Variants in PLEKHG3 observed in about 807,000 individuals in gnomAD.
The protein encoded by PLEKHG3 is pleckstrin homology domain-containing family G member 3.
Under a neutral mutation model 94.9 loss-of-function variants are expected in PLEKHG3, and 62 were observed. The ratio of observed to expected loss-of-function variants is 0.65; its 90% CI spans 0.53 to 0.81. The LOEUF (loss-of-function observed/expected upper bound fraction) is 0.81. Ranked by LOEUF, PLEKHG3 falls within the 30% of genes least tolerant of loss-of-function variation. The pLI is 0.00. For synonymous variants in PLEKHG3, 614 were observed against 654.0 expected, an observed-to-expected ratio of 0.94 and a Z score of 0.93; for missense variants, 1,461 against 1,619.3, an observed-to-expected ratio of 0.90 and a Z score of 1.68.
rs1361171119 is a variant in PLEKHG3, at chr14:64,732,627, C to CA, written c.1246+167_1246+168insA. On this transcript the variant is annotated intron_variant, in intron 11 of 16. Coordinates refer to ENST00000247226, the MANE Select transcript of PLEKHG3 (RefSeq NM_001308147.2). This position sits in a 1 kb window ranked among gnomAD's most constrained non-coding sequence, Gnocchi z 4.9. ...CTACATGATTAAGGATGCTCTCCTG[C>CA]TGAGCGGTGGGACTCTCAGTGCCTG... Among the ~76,000 whole-genome samples, 808 of 152,270 alleles carry CA rather than the reference C, an allele frequency of 5.3e-3. 9 individuals carry two copies. The highest frequency in any genetic ancestry group is 0.019 in the African/African-American group (772 of 41,530).
Position 64,743,628 on chromosome 14 carries a change from C to T in PLEKHG3, c.3585C>T (p.Asp1195=). Residue 1195 remains aspartate, a synonymous_variant, in exon 17 of 17, where the codon GAC becomes GAT. Transcript: ENST00000247226. This position sits in a 1 kb window ranked among gnomAD's most constrained non-coding sequence, Gnocchi z 7.2. The part of the protein sequence containing the change: ...ECQPKEEGSR[D]PADPSQQGRV... ...AGCCGAAGGAAGAGGGTTCCAGGGACCCGGCAGACCCGAGCCAGCAGGGCA... is the reference window on the plus strand; with the variant it reads ...AGCCGAAGGAAGAGGGTTCCAGGGATCCGGCAGACCCGAGCCAGCAGGGCA... The T allele has an allele frequency of 3.1e-6, 5 of 1,611,966 alleles. No homozygotes were observed. The highest frequency in any genetic ancestry group is 4.2e-6 in the Non-Finnish European group (5 of 1,179,652).
In PLEKHG3 at chr14:64,749,509, C is replaced by T; in HGVS notation, c.*5806C>T. 1 of 1,596,848 alleles carries T rather than the reference C, an allele frequency of 6.3e-7. No homozygotes were observed. The highest frequency in any genetic ancestry group is 8.5e-7 in the Non-Finnish European group (1 of 1,177,152). On this transcript the variant is annotated 3_prime_UTR_variant, in exon 17 of 17. Coordinates refer to ENST00000247226, the MANE Select transcript of PLEKHG3 (RefSeq NM_001308147.2). This position sits in a 1 kb window ranked among gnomAD's most constrained non-coding sequence, Gnocchi z 4.7. ...GAGGGTCACGGTGGAGTCTGGAGGC[C>T]CACAGCCCCCCACCTCCCGGGCCAG...
Position 64,718,863 on chromosome 14 carries a change from T to C in PLEKHG3, c.-39-8730T>C, listed in dbSNP as rs938366803. Reference sequence around the variant, plus strand: ...ACGGACCAGTGTCAAGGATGGTTTTTGTTAATCACTTGTGCTTTTGCTCTC... The same window carrying C: ...ACGGACCAGTGTCAAGGATGGTTTTCGTTAATCACTTGTGCTTTTGCTCTC... On this transcript the variant is annotated intron_variant, in intron 1 of 16. Coordinates refer to ENST00000247226, the MANE Select transcript of PLEKHG3 (RefSeq NM_001308147.2). This position sits in a 1 kb window ranked among gnomAD's most constrained non-coding sequence, Gnocchi z 5.0. 2.6e-5 allele frequency among the ~76,000 whole-genome samples: 4 copies of C among 152,192 alleles called. No individual in the cohort carries two copies. The highest frequency in any genetic ancestry group is 7.2e-5 in the African/African-American group (3 of 41,440).
At chr14:64,709,172 A>G (rs997037262) in intron 1 of PLEKHG3, among the ~76,000 whole-genome samples, 1 of 152,346 alleles carries the variant, frequency 6.6e-6, no homozygotes. Context: ...CCCAGACAGC[A>G]TTGAGAATGG....
In PLEKHG3 at chr14:64,721,632, C is replaced by G. The variant is rs766277960; in HGVS notation, c.-39-5961C>G. Among the ~76,000 whole-genome samples the G allele has an allele frequency of 6.6e-6, 1 of 151,996 alleles. No homozygotes were observed. Among genetic ancestry groups the G allele is most frequent in the Non-Finnish European group, 1.5e-5 (1 of 68,028 alleles). On this transcript the variant is annotated intron_variant, in intron 1 of 16. Coordinates refer to ENST00000247226, the MANE Select transcript of PLEKHG3 (RefSeq NM_001308147.2). This position sits in a 1 kb window ranked among gnomAD's most constrained non-coding sequence, Gnocchi z 4.3. ...ACAGCCTCTGCAGGCAGTCACGTTG[C>G]TCACATGCACACAAAGTCACTCCCC...
chr14:64,706,256 C>G (rs1443792553), intron 1 of PLEKHG3, among the ~76,000 whole-genome samples: 1 of 152,056 alleles, frequency 6.6e-6, no homozygotes, highest in African/African-American at 2.4e-5. Context: ...GGCTGGGGGG[C>G]CCCTTGGATT....
In PLEKHG3 at chr14:64,730,575, C is replaced by A; in HGVS notation, c.520-67C>A. On this transcript the variant is annotated intron_variant, in intron 4 of 16. Coordinates refer to ENST00000247226, the MANE Select transcript of PLEKHG3 (RefSeq NM_001308147.2). This position sits in a 1 kb window ranked among gnomAD's most constrained non-coding sequence, Gnocchi z 5.4. ...GGTGCTCTGGGGGCCAGGGGCCTATCTGCTACCACCATCTTTACTGTCAAA... is the reference window on the plus strand; with the variant it reads ...GGTGCTCTGGGGGCCAGGGGCCTATATGCTACCACCATCTTTACTGTCAAA... 7.3e-7 allele frequency: 1 copy of A among 1,366,438 alleles called. No individual in the cohort carries two copies. Among genetic ancestry groups the A allele is most frequent in the Non-Finnish European group, 1.0e-6 (1 of 957,226 alleles). The allele number at this position is 1,366,438 out of a possible 1,614,324, so 84.6% of individuals were successfully genotyped here.
At chr14:64,712,567 C>T (rs538020653) in intron 1 of PLEKHG3, among the ~76,000 whole-genome samples, 53 of 152,200 alleles carry the variant, frequency 3.5e-4, no homozygotes, top group Non-Finnish European at 6.8e-4. Flanking sequence ...GTATTTTATT[C>T]TTTTTGCTGC....
At chr14:64,735,324 C>G (rs1007380727) in intron 12 of PLEKHG3, among the ~76,000 whole-genome samples, 1 of 152,148 alleles carries the variant, frequency 6.6e-6, no homozygotes, top group Admixed American at 6.5e-5. Context: ...AGAAAGCGAT[C>G]GTTCAGGCCA....
chr14:64,731,875 G>A lies in PLEKHG3; in HGVS notation c.1125+69G>A. 8.9e-7 allele frequency: 1 copy of A among 1,129,556 alleles called. No individual in the cohort carries two copies. Among genetic ancestry groups the A allele is most frequent in the East Asian group, 2.4e-5 (1 of 41,770 alleles). The allele number at this position is 1,129,556 out of a possible 1,614,324, so 70.0% of individuals were successfully genotyped here. A position where few individuals can be genotyped will look rare whatever the true frequency, so the allele number is the denominator to read the frequency against. ...AGGGGACACCTGCGTGGGACTCCTG[G>A]CTCCTCTGCTCACCTAGCTGCCCCA... On this transcript the variant is annotated intron_variant, in intron 9 of 16. Transcript: ENST00000247226. The surrounding 1 kb of genome is among the most constrained non-coding windows in gnomAD (Gnocchi z 6.1).
In PLEKHG3 at chr14:64,749,430, T is replaced by G. The variant is rs765605676; in HGVS notation, c.*5727T>G. 10 of 1,604,650 alleles carry G rather than the reference T, an allele frequency of 6.2e-6. No individual in the cohort carries two copies. Among genetic ancestry groups the G allele is most frequent in the Non-Finnish European group, 8.5e-6 (10 of 1,179,182 alleles). On this transcript the variant is annotated 3_prime_UTR_variant, in exon 17 of 17. Transcript: ENST00000247226. This position sits in a 1 kb window ranked among gnomAD's most constrained non-coding sequence, Gnocchi z 4.7. ...CTTGACGCGGATGCTCTGGGACTCG[T>G]TGATGGCGGTGCTCACGCCCTGCAG...
intron 1 of PLEKHG3, among the ~76,000 whole-genome samples, chr14:64,724,398 AAGAG>A (rs978610025): frequency 1.4e-5 from 2 of 147,510 alleles, no homozygotes; most frequent in Non-Finnish European, 2.9e-5. Context: ...CCTCCTGCCC[AAGAG>A]AGAGAGAGCC....
Position 64,738,229 on chromosome 14 carries a change from GGT to G in PLEKHG3, c.1405-510_1405-509del. On this transcript the variant is annotated intron_variant, in intron 14 of 16. Transcript: ENST00000247226. This position sits in a 1 kb window ranked among gnomAD's most constrained non-coding sequence, Gnocchi z 4.8. ...CTTTTCTCCCGGGGCGCTATGGTGA[GGT>G]GTCTCTTCGATCTCCCCTCCTCCTT... 1 of 1,287,208 alleles carries G rather than the reference GGT, an allele frequency of 7.8e-7. No homozygotes were observed. The highest frequency in any genetic ancestry group is 1.0e-6 in the Non-Finnish European group (1 of 988,012). The allele number at this position is 1,287,208 out of a possible 1,614,324, so 79.7% of individuals were successfully genotyped here. A position where few individuals can be genotyped will look rare whatever the true frequency, so the allele number is the denominator to read the frequency against.
chr14:64,731,802 T>C lies in PLEKHG3; in HGVS notation c.1121T>C (p.Ile374Thr). Reference sequence around the variant, plus strand: ...AAGCACAGCAAGCAGCAGTACAGCATCCAGGTGAGGGGAAGGTGGGGCTCA... The same window carrying C: ...AAGCACAGCAAGCAGCAGTACAGCACCCAGGTGAGGGGAAGGTGGGGCTCA... ...HYKHSKQQYS[I>T]QAKTVEEKRN... The change falls in exon 9 of 17, where the codon ATC (isoleucine) becomes ACC (threonine). Residue 374 changes from isoleucine to threonine, a missense_variant. Transcript: ENST00000247226. This position sits in a 1 kb window ranked among gnomAD's most constrained non-coding sequence, Gnocchi z 6.1. The C allele has an allele frequency of 1.9e-6, 3 of 1,610,530 alleles. No individual in the cohort carries two copies. Among genetic ancestry groups the C allele is most frequent in the Non-Finnish European group, 2.5e-6 (3 of 1,177,042 alleles).
Position 64,742,102 on chromosome 14 carries a change from C to A in PLEKHG3, c.2585C>A (p.Ala862Asp). 1 of 1,610,208 alleles carries A rather than the reference C, an allele frequency of 6.2e-7. No individual in the cohort carries two copies. Among genetic ancestry groups the A allele is most frequent in the Non-Finnish European group, 8.5e-7 (1 of 1,179,696 alleles). Residue 862 changes from alanine to aspartate, a missense_variant, in exon 16 of 17, where the codon GCC becomes GAC. Physicochemically the swap from Ala to Asp is moderately radical, Grantham distance 126. Around this residue, in one of 3 missense-constraint regions of PLEKHG3, gnomAD observed 1,201 missense variants for 1,295.5 expected, o/e 0.93. Transcript: ENST00000247226. Reference protein sequence around the residue: ...HELGAITEESATASPESSSPT... With the variant: ...HELGAITEESDTASPESSSPT... ...CTGGGAGCCATCACAGAGGAGTCGG[C>A]CACTGCCTCCCCGGAAAGCTCCTCT...
In PLEKHG3 at chr14:64,736,845, C is replaced by T; in HGVS notation, c.1346-8C>T. 1.2e-6 allele frequency: 2 copies of T among 1,611,214 alleles called. No homozygotes were observed. Among genetic ancestry groups the T allele is most frequent in the Non-Finnish European group, 1.7e-6 (2 of 1,177,456 alleles). On this transcript the variant is annotated splice_polypyrimidine_tract_variant and splice_region_variant and intron_variant, in intron 12 of 16. Transcript: ENST00000247226. Reference sequence around the variant, plus strand: ...CCGCGCTGACTCTGCTCATGCTTTCCTCCTCAGAGCCAACCAAACACCTGC... The same window carrying T: ...CCGCGCTGACTCTGCTCATGCTTTCTTCCTCAGAGCCAACCAAACACCTGC...
chr14:64,743,138 G>A lies in PLEKHG3; in HGVS notation c.3095G>A (p.Arg1032Gln), dbSNP rs537240794. The A allele has an allele frequency of 6.2e-6, 10 of 1,611,458 alleles. No homozygotes were observed. The highest frequency in any genetic ancestry group is 4.4e-5 in the South Asian group (4 of 91,076). ...VSQRTTSPGG[R>Q]PSARSPLSPT... ...CAGAGGACCACCTCGCCTGGGGGCC[G>A]GCCCTCCGCCCGGAGCCCCCTCAGC... is the stretch of plus-strand genomic sequence containing the variant. The change falls in exon 17 of 17, where the codon CGG becomes CAG. Residue 1032 changes from arginine to glutamine, a missense_variant. Physicochemically the swap from Arg to Gln is conservative, Grantham distance 43. Coordinates refer to ENST00000247226, the MANE Select transcript of PLEKHG3 (RefSeq NM_001308147.2). This position sits in a 1 kb window ranked among gnomAD's most constrained non-coding sequence, Gnocchi z 7.2.
chr14:64,743,983 C>T lies in PLEKHG3; in HGVS notation c.*280C>T, dbSNP rs2081776183. Reference sequence around the variant, plus strand: ...TGGTAAGAAGCCAAATATTTAAGCTCACTTCTTCCCAGAGAGAGGAAGCTC... The same window carrying T: ...TGGTAAGAAGCCAAATATTTAAGCTTACTTCTTCCCAGAGAGAGGAAGCTC... On this transcript the variant is annotated 3_prime_UTR_variant, in exon 17 of 17. Coordinates refer to ENST00000247226, the MANE Select transcript of PLEKHG3 (RefSeq NM_001308147.2). The surrounding 1 kb of genome is among the most constrained non-coding windows in gnomAD (Gnocchi z 7.2). 1 of 295,308 alleles carries T rather than the reference C, an allele frequency of 3.4e-6. No homozygotes were observed. Among genetic ancestry groups the T allele is most frequent in the Non-Finnish European group, 6.3e-6 (1 of 159,374 alleles). 18.3% of individuals were successfully genotyped at this position (295,308 alleles called of 1,614,324 possible). A position where few individuals can be genotyped will look rare whatever the true frequency, so the allele number is the denominator to read the frequency against.
At chr14:64,742,484 C>T (rs773413642) in intron 16 of PLEKHG3, 29 bp downstream of exon 16, 1 of 1,521,164 alleles carries the variant, frequency 6.6e-7, no homozygotes, top group Non-Finnish European at 8.9e-7. Context: ...GTGGGCCCTT[C>T]CCCAAGTCTA....
Sources: gnomAD v4.1 joint callset for allele counts (sites outside exome capture counted in the v4.1 genomes callset) on GRCh38, gnomAD v4.1.1 for gene constraint, gnomAD v4.1.1 regional missense constraint, Gnocchi (gnomAD v3.1) non-coding constraint, MANE v1.5 for transcripts, NCBI Gene and HGNC (gene_info 2026-07-23, HGNC 2026-07-21) for gene names.